The following RHOH variants were observed in gnomAD, a reference collection of about 807,000 sequenced individuals.
RHOH encodes rho-related GTP-binding protein RhoH.
RHOH carries 6 observed loss-of-function variants against 13.8 expected under a neutral mutation model. That is an observed-to-expected ratio of 0.44 (90% CI 0.24 to 0.86). The LOEUF is 0.86. RHOH is among the 40% of genes least tolerant of loss of function. RHOH has a pLI of 0.24. For missense variants in RHOH, 147 were observed against 244.5 expected (o/e 0.60, Z 2.66); for synonymous variants, 117 against 103.0 (o/e 1.14, Z -0.82).
chr4:40,235,590 C>CAAAAAAAAAAAAAAAAAAA (rs34336418), intron 1 of RHOH, among the ~76,000 whole-genome samples: 1 of 74,788 alleles, frequency 1.3e-5, no homozygotes, highest in East Asian at 5.9e-4. Context: ...AACTTCATCT[C>CAAAAAAAAAAAAAAAAAAA]AAAAAAAAAA....
intron 1 of RHOH, among the ~76,000 whole-genome samples, chr4:40,212,314 T>C (rs1725359221): frequency 6.6e-6 from 1 of 152,190 alleles, no homozygotes; most frequent in African/African-American, 2.4e-5. Context: ...TCTAGAATAT[T>C]GCCAGCCTAT....
At chr4:40,241,803 T>A (rs1729281908) in intron 1 of RHOH, among the ~76,000 whole-genome samples, 1 of 151,982 alleles carries the variant, frequency 6.6e-6, no homozygotes, top group Admixed American at 6.5e-5. Flanking sequence ...GGTGGGAGGA[T>A]CTCTTGAGCC....
intron 1 of RHOH, among the ~76,000 whole-genome samples, chr4:40,216,947 A>G (rs1725964159): frequency 6.6e-6 from 1 of 152,252 alleles, no homozygotes; most frequent in Non-Finnish European, 1.5e-5. Flanking sequence ...TTACAGTGGA[A>G]TCCAATGATA....
chr4:40,234,225 A>C (rs1188777943), intron 1 of RHOH, among the ~76,000 whole-genome samples: 1 of 152,210 alleles, frequency 6.6e-6, no homozygotes, highest in Non-Finnish European at 1.5e-5. Context: ...AAGTTCAGAG[A>C]CCACGTGTCC....
chr4:40,210,321 C>T (rs1725120601), intron 1 of RHOH, among the ~76,000 whole-genome samples: 1 of 152,318 alleles, frequency 6.6e-6, no homozygotes, highest in African/African-American at 2.4e-5. Context: ...CGGAGGTCTG[C>T]GTTTCCGGCC....
chr4:40,197,674 T>C (rs552359064), intron 1 of RHOH, among the ~76,000 whole-genome samples: 1 of 152,340 alleles, frequency 6.6e-6, no homozygotes, highest in East Asian at 1.9e-4. Context: ...ATATGAATTT[T>C]AAAGTTGTCT....
At chr4:40,204,137 T>G (rs985210001) in intron 1 of RHOH, among the ~76,000 whole-genome samples, 6 of 152,360 alleles carry the variant, frequency 3.9e-5, no homozygotes, top group Admixed American at 3.3e-4. Context: ...TGAGATTATC[T>G]GCTTCACCTG....
chr4:40,217,948 A>G (rs564129807), intron 1 of RHOH: 1 of 152,334 alleles, frequency 6.6e-6, no homozygotes, highest in Admixed American at 6.5e-5. Context: ...TCACCCTTCT[A>G]AGAGCAGATG....
intron 1 of RHOH, among the ~76,000 whole-genome samples, chr4:40,237,247 G>A (rs1038106606): frequency 2.0e-5 from 3 of 152,248 alleles, no homozygotes; most frequent in South Asian, 4.1e-4. Flanking sequence ...GAGGTCAGGC[G>A]TTCAAGACCA....
At chr4:40,233,245 AT>A (rs905323049) in intron 1 of RHOH, among the ~76,000 whole-genome samples, 14 of 152,220 alleles carry the variant, frequency 9.2e-5, no homozygotes, top group African/African-American at 3.4e-4. Context: ...ATTATTAAAA[AT>A]AATACCATCA....
At chr4:40,193,479 C>CGAGAGAGAGAGAGAGAGAGA (rs34244157), upstream of RHOH, among the ~76,000 whole-genome samples, 23 of 88,696 alleles carry the variant, frequency 2.6e-4, no homozygotes, top group African/African-American at 1.0e-3. Flanking sequence ...AGAATGAGAG[C>CGAGAGAGAGAGAGAGAGAGA]GAGAGAGAGA....
intron 1 of RHOH, among the ~76,000 whole-genome samples, chr4:40,217,771 C>T (rs1365392335): frequency 1.3e-5 from 2 of 152,180 alleles, no homozygotes; most frequent in East Asian, 3.9e-4. Flanking sequence ...AAATTAATTC[C>T]ACAAGGAGTG....
At chr4:40,201,320 C>T (rs747309889) in intron 1 of RHOH, among the ~76,000 whole-genome samples, 1 of 149,464 alleles carries the variant, frequency 6.7e-6, no homozygotes, top group African/African-American at 2.5e-5. Flanking sequence ...AAAGCATGCT[C>T]ATTGTCACAC....
intron 1 of RHOH, among the ~76,000 whole-genome samples, chr4:40,211,001 G>T (rs1725202702): frequency 6.6e-6 from 1 of 152,168 alleles, no homozygotes; most frequent in Non-Finnish European, 1.5e-5. Flanking sequence ...GACAAAGAGA[G>T]GCACAGGTAT....
chr4:40,244,430 A>C lies in RHOH; in HGVS notation c.*468A>C, dbSNP rs143503224. The C allele has an allele frequency of 6.8e-5, 15 of 220,996 alleles. No individual in the cohort carries two copies. Among genetic ancestry groups the C allele is most frequent in the African/African-American group, 3.2e-4 (14 of 44,024 alleles). 13.7% of individuals were successfully genotyped at this position (220,996 alleles called of 1,614,324 possible). A position where few individuals can be genotyped will look rare whatever the true frequency, so the allele number is the denominator to read the frequency against. ...AGCTCTGCCATATGTTTGTAGTGTT[A>C]TTATTTTCACCTCAAGTAGAAAGTC... is the stretch of plus-strand genomic sequence containing the variant. On this transcript the variant is annotated 3_prime_UTR_variant, in exon 3 of 3. Transcript: ENST00000381799.
intron 1 of RHOH, among the ~76,000 whole-genome samples, chr4:40,226,594 C>A (rs533907115): frequency 5.9e-5 from 9 of 152,026 alleles, no homozygotes; most frequent in Admixed American, 5.9e-4. Context: ...ACAACATGGG[C>A]CCTTTGCAAA....
In RHOH at chr4:40,245,105, G is replaced by A. The variant is rs1312540983; in HGVS notation, c.*1143G>A. 6.6e-6 allele frequency: 1 copy of A among 152,086 alleles called. No individual in the cohort carries two copies. The highest frequency in any genetic ancestry group is 2.4e-5 in the African/African-American group (1 of 41,402). 9.4% of individuals were successfully genotyped at this position (152,086 alleles called of 1,614,324 possible). On this transcript the variant is annotated 3_prime_UTR_variant, in exon 3 of 3. Coordinates refer to ENST00000381799, the MANE Select transcript of RHOH (RefSeq NM_004310.5). ...CTCAGAGAACAGAAAGTTATCAGGGGAAATACTGAATAAATAGACACACAC... is the reference window on the plus strand; with the variant it reads ...CTCAGAGAACAGAAAGTTATCAGGGAAAATACTGAATAAATAGACACACAC...
chr4:40,219,098 A>G (rs566969941), intron 1 of RHOH, among the ~76,000 whole-genome samples: 1 of 152,314 alleles, frequency 6.6e-6, no homozygotes, highest in East Asian at 1.9e-4. Context: ...ACAGTATAGT[A>G]TGCTGTAGTT....
At chr4:40,215,716 G>C (rs916518480) in intron 1 of RHOH, among the ~76,000 whole-genome samples, 1 of 152,136 alleles carries the variant, frequency 6.6e-6, no homozygotes, top group Non-Finnish European at 1.5e-5. Flanking sequence ...ATCACTTGAG[G>C]TCAAGAGTTC....
Sources: allele counts gnomAD v4.1 joint callset (sites outside exome capture counted in the v4.1 genomes callset), GRCh38; gene constraint gnomAD v4.1.1; transcripts MANE v1.5; gene names NCBI Gene and HGNC (gene_info 2026-07-23, HGNC 2026-07-21).